The following NT5DC1 variants were observed in gnomAD, a reference collection of about 807,000 sequenced individuals.
The protein encoded by NT5DC1 is 5'-nucleotidase domain containing 1, also known as 5'-nucleotidase domain-containing protein 1.
Under a neutral mutation model 59.4 loss-of-function variants are expected in NT5DC1, and 42 were observed. The ratio of observed to expected loss-of-function variants is 0.71; its 90% confidence interval spans 0.55 to 0.92. The LOEUF is 0.92. Among genes scored for constraint, NT5DC1 ranks in the 40% least tolerant of loss-of-function variants. NT5DC1 has a pLI of 0.00. For missense variants in NT5DC1, 501 were observed against 537.1 expected, an observed-to-expected ratio of 0.93 and a Z score of 0.66; for synonymous variants, 172 against 188.1, an observed-to-expected ratio of 0.91 and a Z score of 0.70.
Position 116,207,533 on chromosome 6 carries a change from G to A in NT5DC1, c.530-13521G>A, listed in dbSNP as rs992960385. Among the ~76,000 whole-genome samples, 3 of 151,596 alleles carry A rather than the reference G, an allele frequency of 2.0e-5. No individual in the cohort carries two copies. In the East Asian group the frequency reaches 5.8e-4, roughly 29 times the overall value. ...GGTTTAAAAAGTCTTTCATCTTTAT[G>A]TTTGAAAAGTATATATGATTGTATT... is the stretch of plus-strand genomic sequence containing the variant. On this transcript the variant is annotated intron_variant, in intron 6 of 11. Coordinates refer to ENST00000319550, the MANE Select transcript of NT5DC1 (RefSeq NM_152729.3).
chr6:116,185,132 C>G (rs561121902), intron 6 of NT5DC1, among the ~76,000 whole-genome samples: 2 of 152,148 alleles, frequency 1.3e-5, no homozygotes, highest in African/African-American at 4.8e-5. Flanking sequence ...AAAGATCATT[C>G]AGGAGCAAGT....
At chr6:116,141,017 G>A (rs1457202476) in intron 6 of NT5DC1, among the ~76,000 whole-genome samples, 1 of 152,070 alleles carries the variant, frequency 6.6e-6, no homozygotes, top group South Asian at 2.1e-4. Context: ...CTGCTTCACT[G>A]GCTAATTCCA....
At chr6:116,125,649 TGAGA>T in intron 6 of NT5DC1, 2 of 671,980 alleles carry the variant, frequency 3.0e-6, no homozygotes, top group Non-Finnish European at 4.8e-6. Flanking sequence ...CATAAATAAA[TGAGA>T]GATCATTTTT....
At chr6:116,150,748 G>A (rs543602225) in intron 6 of NT5DC1, among the ~76,000 whole-genome samples, 7 of 152,270 alleles carry the variant, frequency 4.6e-5, no homozygotes, top group Non-Finnish European at 1.0e-4. Context: ...ATTGCTGTCT[G>A]TCATATAAGG....
At chr6:116,157,806 C>T (rs970639458) in intron 6 of NT5DC1, among the ~76,000 whole-genome samples, 1 of 152,166 alleles carries the variant, frequency 6.6e-6, no homozygotes, top group Non-Finnish European at 1.5e-5. Context: ...GATAATAAGA[C>T]CACCCAGCTG....
At chr6:116,211,573 A>G (rs998993145) in intron 6 of NT5DC1, among the ~76,000 whole-genome samples, 2 of 152,062 alleles carry the variant, frequency 1.3e-5, no homozygotes, top group African/African-American at 4.8e-5. Flanking sequence ...TTTAACTAGA[A>G]CAGCCATTCA....
At chr6:116,180,430 C>G (rs1780850606) in intron 6 of NT5DC1, among the ~76,000 whole-genome samples, 1 of 151,976 alleles carries the variant, frequency 6.6e-6, no homozygotes, top group East Asian at 1.9e-4. Context: ...TTTATAATCC[C>G]TAATGAAATA....
rs535500195 is a variant in NT5DC1 at position 116,140,539 on chromosome 6, A to T, written c.529+22594A>T. Among the ~76,000 whole-genome samples the T allele has an allele frequency of 2.0e-5, 3 of 152,288 alleles. No homozygotes were observed. In the East Asian group the frequency reaches 5.8e-4, roughly 29 times the overall value. ...CATGTATGTGTATCTGCTACCCAGC[A>T]AAAGAAACTTAACATTAGCATTCTT... On this transcript the variant is annotated intron_variant, in intron 6 of 11. Coordinates refer to ENST00000319550, the MANE Select transcript of NT5DC1 (RefSeq NM_152729.3).
chr6:116,115,245 T>C (rs902424860), intron 4 of NT5DC1, among the ~76,000 whole-genome samples: 1 of 138,732 alleles, frequency 7.2e-6, no homozygotes, highest in Non-Finnish European at 1.6e-5. Context: ...TTAAATGGCA[T>C]AAAAATAGAA....
At chr6:116,170,822 T>C (rs1471176144) in intron 6 of NT5DC1, among the ~76,000 whole-genome samples, 1 of 152,128 alleles carries the variant, frequency 6.6e-6, no homozygotes, top group African/African-American at 2.4e-5. Flanking sequence ...ATCTTGCAGT[T>C]CTCACTCCCA....
intron 6 of NT5DC1, among the ~76,000 whole-genome samples, chr6:116,189,251 C>A (rs1781068547): frequency 6.6e-6 from 1 of 151,502 alleles, no homozygotes; most frequent in Non-Finnish European, 1.5e-5. Context: ...GTACTTTTTT[C>A]TCTTGTAAAC....
At chr6:116,193,737 T>C (rs1336736883) in intron 6 of NT5DC1, among the ~76,000 whole-genome samples, 1 of 147,202 alleles carries the variant, frequency 6.8e-6, no homozygotes, top group Non-Finnish European at 1.5e-5. Flanking sequence ...TCATCTTTGT[T>C]GTTGGACTTA....
At chr6:116,231,705 G>T (rs147173858) in intron 8 of NT5DC1, among the ~76,000 whole-genome samples, 1 of 152,240 alleles carries the variant, frequency 6.6e-6, no homozygotes, top group South Asian at 2.1e-4. Flanking sequence ...ACTTGTAACA[G>T]AAAAACATTG....
chr6:116,214,200 G>A (rs1382267657), intron 6 of NT5DC1, among the ~76,000 whole-genome samples: 1 of 152,002 alleles, frequency 6.6e-6, no homozygotes, highest in Non-Finnish European at 1.5e-5. Flanking sequence ...ACATGCAAGA[G>A]TATTGCTCTC....
intron 6 of NT5DC1, among the ~76,000 whole-genome samples, chr6:116,157,609 C>A (rs527939007): frequency 6.6e-6 from 1 of 152,100 alleles, no homozygotes; most frequent in Non-Finnish European, 1.5e-5. Flanking sequence ...TTCCAGTAGA[C>A]CATAACAAAA....
intron 6 of NT5DC1, among the ~76,000 whole-genome samples, chr6:116,123,022 T>A (rs1779181828): frequency 6.6e-6 from 1 of 152,220 alleles, no homozygotes; most frequent in Admixed American, 6.5e-5. Flanking sequence ...GATATTGATA[T>A]ATTGCAAATA....
chr6:116,207,527 C>T (rs1207382562), intron 6 of NT5DC1, among the ~76,000 whole-genome samples: 1 of 151,412 alleles, frequency 6.6e-6, no homozygotes, highest in Non-Finnish European at 1.5e-5. Flanking sequence ...AGTCTTTCAT[C>T]TTTATGTTTG....
At chr6:116,145,391 C>A in intron 6 of NT5DC1, 1 of 328,920 alleles carries the variant, frequency 3.0e-6, no homozygotes, top group Non-Finnish European at 6.8e-6. Context: ...AGAAGAAATG[C>A]TGATTTTCAA....
intron 6 of NT5DC1, among the ~76,000 whole-genome samples, chr6:116,138,283 G>T (rs1779663758): frequency 6.6e-6 from 1 of 152,146 alleles, no homozygotes; most frequent in Non-Finnish European, 1.5e-5. Context: ...GATCACCATG[G>T]TAAAGCGACT....
Sources: allele counts gnomAD v4.1 joint callset (sites outside exome capture counted in the v4.1 genomes callset), GRCh38; gene constraint gnomAD v4.1.1; transcripts MANE v1.5; gene names NCBI Gene and HGNC (gene_info 2026-07-23, HGNC 2026-07-21).